The following TRMT44 variants were observed in gnomAD, a reference collection of about 807,000 sequenced individuals.
The protein encoded by TRMT44 is probable tRNA (uracil-O(2)-)-methyltransferase.
In TRMT44, 78 loss-of-function variants were observed where a neutral mutation model predicts 77.3. That is an observed-to-expected ratio of 1.01 (90% CI 0.84 to 1.22). TRMT44 has a LOEUF of 1.22. Among genes scored for constraint, TRMT44 ranks in the 50% most tolerant of loss-of-function variants. TRMT44 has a pLI of 0.00. For missense variants in TRMT44, 1,090 were observed against 964.4 expected, an observed-to-expected ratio of 1.13 and a Z score of -1.73; for synonymous variants, 391 against 383.3, an observed-to-expected ratio of 1.02 and a Z score of -0.23.
chr4:8,494,123 C>G (rs183629189), downstream of TRMT44, among the ~76,000 whole-genome samples: 2 of 151,540 alleles, frequency 1.3e-5, no homozygotes, highest in Admixed American at 1.3e-4. Flanking sequence ...CTCGGGACCC[C>G]CAAATCACTC....
chr4:8,472,557 T>C (rs1401700725), intron 10 of TRMT44, among the ~76,000 whole-genome samples: 1 of 151,974 alleles, frequency 6.6e-6, no homozygotes. Context: ...TACACAAGAG[T>C]GCAAGCGTGT....
At chr4:8,469,051 TG>T (rs1419116263) in intron 9 of TRMT44, among the ~76,000 whole-genome samples, 6 of 152,216 alleles carry the variant, frequency 3.9e-5, no homozygotes, top group African/African-American at 1.4e-4. Flanking sequence ...TCTGCCTGGC[TG>T]CGCATTTGAG....
intron 1 of TRMT44, among the ~76,000 whole-genome samples, chr4:8,443,441 A>T (rs1256008518): frequency 6.6e-6 from 1 of 152,248 alleles, no homozygotes; most frequent in Non-Finnish European, 1.5e-5. Flanking sequence ...CCTCCATGGA[A>T]TATAGACAGC....
In TRMT44 at chr4:8,446,568, C is replaced by G. The variant is rs1259071364; in HGVS notation, c.712C>G (p.Leu238Val). ...GATGAGCAATGTGTATCAAATTCAG[C>G]TCAGTCATAGCAAAGAAGAATGGTA... is the stretch of plus-strand genomic sequence containing the variant. ...VKMSNVYQIQ[L>V]SHSKEEWFIS... is the part of the protein sequence containing the mutation. Residue 238 changes from leucine to valine, a missense_variant, in exon 2 of 11, where the codon CTC becomes GTC. By Grantham distance (32) the Leu-to-Val change is conservative. Transcript: ENST00000389737. This position sits in a 1 kb window ranked among gnomAD's most constrained non-coding sequence, Gnocchi z 4.3. The G allele has an allele frequency of 2.6e-6, 4 of 1,535,618 alleles. No individual in the cohort carries two copies.
In TRMT44 at chr4:8,475,809, G is replaced by T; in HGVS notation, c.2082G>T (p.Glu694Asp). ...GAGTTCACATCCGCGACTGGCGAGAGGAGACACTGTGGAAGACAAAGCAAC... is the reference window on the plus strand; with the variant it reads ...GAGTTCACATCCGCGACTGGCGAGATGAGACACTGTGGAAGACAAAGCAAC... ...NGRVHIRDWR[E>D]ETLWKTKQPE... is the part of the protein sequence containing the mutation. The change falls in exon 11 of 11, where the codon GAG (glutamate) becomes GAT (aspartate). Residue 694 changes from glutamate (E) to aspartate (D), a missense_variant. Transcript: ENST00000389737. The T allele has an allele frequency of 6.2e-7, 1 of 1,614,162 alleles. No individual in the cohort carries two copies. The highest frequency in any genetic ancestry group is 1.3e-5 in the African/African-American group (1 of 75,068).
downstream of TRMT44, among the ~76,000 whole-genome samples, chr4:8,480,155 C>T (rs1348881997): frequency 6.6e-6 from 1 of 152,146 alleles, no homozygotes; most frequent in African/African-American, 2.4e-5. Context: ...ACTCTTGCCT[C>T]CTTGGAAGAA....
rs1461021980 is a variant in TRMT44 at position 8,445,693 on chromosome 4, A to G, written c.620-783A>G. Among the ~76,000 whole-genome samples the G allele has an allele frequency of 2.6e-5, 4 of 152,044 alleles. No homozygotes were observed. In the South Asian group the frequency reaches 6.2e-4, roughly 24 times the overall value. On this transcript the variant is annotated intron_variant, in intron 1 of 10. Transcript: ENST00000389737. ...ATTGTTAGAGTTTTCTCGGCCCCAC[A>G]CTGCTTGCTTTCCATCTGAATCCAC...
At chr4:8,445,054 A>C (rs913870010) in intron 1 of TRMT44, among the ~76,000 whole-genome samples, 2 of 152,216 alleles carry the variant, frequency 1.3e-5, no homozygotes, top group African/African-American at 4.8e-5. Context: ...CCCAACAATA[A>C]GGAGTTATCC....
At chr4:8,482,916 G>T (rs905071723) in intron 2 of TRMT44, among the ~76,000 whole-genome samples, 4 of 147,170 alleles carry the variant, frequency 2.7e-5, no homozygotes, top group Non-Finnish European at 6.0e-5. Context: ...TTTGGGGGGG[G>T]TGGTATGGAG....
At position 8,468,337 on chromosome 4, in the gene TRMT44, A is replaced by G. The variant is rs913597472; in HGVS notation, c.1918A>G (p.Asn640Asp). 1.2e-6 allele frequency: 2 copies of G among 1,614,042 alleles called. No homozygotes were observed. Among genetic ancestry groups the G allele is most frequent in the Admixed American group, 3.3e-5 (2 of 60,026 alleles). Residue 640 changes from asparagine to aspartate, a missense_variant, in exon 9 of 11, where the codon AAT (asparagine) becomes GAT (aspartate). Transcript: ENST00000389737. Reference sequence around the variant, plus strand: ...TCGAAATGGGAGTTTGAAGACCTGGAATGGGGGAGGTAAGCTGTCCACCAT... The same window carrying G: ...TCGAAATGGGAGTTTGAAGACCTGGGATGGGGGAGGTAAGCTGTCCACCAT... ...SSRNGSLKTWNGGESLSLAEV... is the reference protein window; with the variant it reads ...SSRNGSLKTWDGGESLSLAEV...
chr4:8,473,714 A>G (rs1727181974), intron 10 of TRMT44: 1 of 152,530 alleles, frequency 6.6e-6, no homozygotes, highest in Admixed American at 6.5e-5. Flanking sequence ...TTTCAAAATG[A>G]GGAGCACATT....
At chr4:8,474,925 C>T (rs978593317) in intron 10 of TRMT44, among the ~76,000 whole-genome samples, 1 of 152,204 alleles carries the variant, frequency 6.6e-6, no homozygotes, top group Admixed American at 6.5e-5. Context: ...CTCCTGGCCC[C>T]ACCCCACTCT....
chr4:8,475,642 A>T, intron 10 of TRMT44, 130 bp from the exon 11 acceptor site: 2 of 783,858 alleles, frequency 2.6e-6, no homozygotes, highest in Non-Finnish European at 4.2e-6. Context: ...CAGGAACTCT[A>T]GGCTGTGTTC....
intron 6 of TRMT44, among the ~76,000 whole-genome samples, chr4:8,457,519 C>G (rs939824551): frequency 2.0e-5 from 3 of 152,122 alleles, no homozygotes; most frequent in African/African-American, 7.2e-5. Context: ...TCTTTTCAGC[C>G]TCTAGATCAG....
chr4:8,484,682 A>G (rs1351247295), intron 2 of TRMT44, among the ~76,000 whole-genome samples: 1 of 152,220 alleles, frequency 6.6e-6, no homozygotes, highest in Admixed American at 6.5e-5. Flanking sequence ...AGTTGTCTTC[A>G]AGGAACAGAA....
At chr4:8,458,431 A>C (rs1725945564) in intron 6 of TRMT44, among the ~76,000 whole-genome samples, 3 of 150,844 alleles carry the variant, frequency 2.0e-5, no homozygotes. Flanking sequence ...ATGAATAGTA[A>C]ATTTTCTCTT....
At chr4:8,471,484 C>T (rs1399964753) in intron 10 of TRMT44, among the ~76,000 whole-genome samples, 2 of 152,242 alleles carry the variant, frequency 1.3e-5, no homozygotes, top group South Asian at 4.1e-4. Context: ...GCTCCACTTG[C>T]TCCACGCAGG....
At chr4:8,483,388 C>T (rs941355231) in intron 2 of TRMT44, among the ~76,000 whole-genome samples, 1 of 151,176 alleles carries the variant, frequency 6.6e-6, no homozygotes, top group African/African-American at 2.4e-5. Context: ...TATGACTAGA[C>T]AGAAGATAGT....
intron 10 of TRMT44, among the ~76,000 whole-genome samples, chr4:8,473,977 G>A (rs896393700): frequency 2.0e-5 from 3 of 152,202 alleles, no homozygotes; most frequent in African/African-American, 7.2e-5. Context: ...TCAGTCCTTA[G>A]ACACCCTGCA....
Sources: gnomAD v4.1 joint callset for allele counts (sites outside exome capture counted in the v4.1 genomes callset) on GRCh38, gnomAD v4.1.1 for gene constraint, Gnocchi (gnomAD v3.1) non-coding constraint, MANE v1.5 for transcripts, NCBI Gene and HGNC (gene_info 2026-07-23, HGNC 2026-07-21) for gene names.